The following COL11A1 variants were observed in gnomAD, a reference collection of about 807,000 sequenced individuals.
COL11A1 encodes the protein collagen alpha-1(XI) chain.
COL11A1 carries 74 observed loss-of-function variants against 265.2 expected under a neutral mutation model. The ratio of observed to expected loss-of-function variants is 0.28; its 90% confidence interval spans 0.23 to 0.34. The LOEUF (loss-of-function observed/expected upper bound fraction) is 0.34, where lower values mean the gene tolerates loss of function less well. COL11A1 is among the 10% of genes least tolerant of loss of function. The pLI is 1.00. For synonymous variants in COL11A1, 816 were observed against 727.6 expected (o/e 1.12, Z -1.96); for missense variants, 2,165 against 2,263.6 (o/e 0.96, Z 0.88).
intron 44 of COL11A1, 34 bp from the exon 45 acceptor site, chr1:102,935,147 T>G: frequency 6.3e-7 from 1 of 1,585,684 alleles, no homozygotes; most frequent in Non-Finnish European, 8.6e-7. Flanking sequence ...ATTTTTAAAG[T>G]GAAGCCAGAA....
intron 57 of COL11A1, among the ~76,000 whole-genome samples, chr1:102,892,917 G>A (rs1032628229): frequency 5.9e-5 from 9 of 152,042 alleles, no homozygotes; most frequent in Admixed American, 1.3e-4. Flanking sequence ...CTAATCCTCA[G>A]AGTCAAATTT....
chr1:103,021,452 T>C (rs1366128161), intron 9 of COL11A1, among the ~76,000 whole-genome samples: 1 of 152,172 alleles, frequency 6.6e-6, no homozygotes, highest in Non-Finnish European at 1.5e-5. Context: ...TCTTTAGTTT[T>C]AAAATGAGAG....
Position 102,970,262 on chromosome 1 carries a change from C to T in COL11A1, c.2819G>A (p.Gly940Glu). Residue 940 changes from glycine (G) to glutamate (E), a missense_variant, in exon 37 of 67, where the codon GGG becomes GAG. By Grantham distance (98) the Gly-to-Glu change is moderately conservative. Transcript: ENST00000370096. ...PGPKGPPGPP[G>E]KDGLPGHPGQ... ...AGGGTGTCCTGGCAGCCCATCCTTC[C>T]CAGGTGGTCCCTGAAATTACAAATA... 1.2e-6 allele frequency: 2 copies of T among 1,611,316 alleles called. No individual in the cohort carries two copies. The highest frequency in any genetic ancestry group is 1.1e-5 in the South Asian group (1 of 90,754).
chr1:102,890,309 A>G (rs2100863136), intron 58 of COL11A1, 142 bp downstream of exon 58: 1 of 703,082 alleles, frequency 1.4e-6, no homozygotes, highest in South Asian at 2.0e-5. Flanking sequence ...ACATCTGGGA[A>G]GCTAAGGATT....
At position 102,962,748 on chromosome 1, in the gene COL11A1, C is replaced by T. The variant is rs1400659821; in HGVS notation, c.2929G>A (p.Glu977Lys). The T allele has an allele frequency of 6.2e-7, 1 of 1,613,976 alleles. No homozygotes were observed. The highest frequency in any genetic ancestry group is 8.5e-7 in the Non-Finnish European group (1 of 1,179,952). Residue 977 changes from glutamate to lysine, a missense_variant, in exon 39 of 67, where the codon GAG becomes AAG. Coordinates refer to ENST00000370096, the MANE Select transcript of COL11A1 (RefSeq NM_001854.4). ...CCACGTTCCCCTATTGGACCAGTCT[C>T]ACCGGTTGGTCCCTAAATTAGATAA... ...GVVGPQGPTG[E>K]TGPIGERGHP...
Position 102,998,330 on chromosome 1 carries a change from G to C in COL11A1, c.2176C>G (p.Pro726Ala). The change falls in exon 25 of 67, where the codon CCT becomes GCT. Residue 726 changes from proline (P) to alanine (A), a missense_variant. Physicochemically the swap from Pro to Ala is conservative, Grantham distance 27 (BLOSUM62 -1). Coordinates refer to ENST00000370096, the MANE Select transcript of COL11A1 (RefSeq NM_001854.4). ...CTTACAGGAGGCCCATCAGCACCAG[G>C]AAGTCCAGCAAGTCCTGGTTTTCCT... is the stretch of plus-strand genomic sequence containing the variant. ...PQGKPGLAGL[P>A]GADGPPGHPG... 6.2e-7 allele frequency: 1 copy of C among 1,605,858 alleles called. No homozygotes were observed. The highest frequency in any genetic ancestry group is 1.3e-5 in the African/African-American group (1 of 74,726).
At chr1:103,013,578 C>T (rs1666304985) in intron 13 of COL11A1, among the ~76,000 whole-genome samples, 1 of 151,734 alleles carries the variant, frequency 6.6e-6, no homozygotes, top group Non-Finnish European at 1.5e-5. Flanking sequence ...AAACATGATA[C>T]AATCAAATAA....
intron 58 of COL11A1, among the ~76,000 whole-genome samples, chr1:102,890,089 T>C (rs973880266): frequency 4.6e-5 from 7 of 152,202 alleles, no homozygotes; most frequent in African/African-American, 1.7e-4. Flanking sequence ...AAATTAGTAT[T>C]TGAAAGATAT....
intron 63 of COL11A1, among the ~76,000 whole-genome samples, chr1:102,883,903 G>T (rs2101029514): frequency 6.6e-6 from 1 of 152,200 alleles, no homozygotes; most frequent in Admixed American, 6.5e-5. Context: ...TGCTATTAAT[G>T]CCATTGCTGA....
At chr1:102,933,696 C>T (rs1003438059) in intron 46 of COL11A1, among the ~76,000 whole-genome samples, 1 of 152,160 alleles carries the variant, frequency 6.6e-6, no homozygotes, top group Admixed American at 6.6e-5. Flanking sequence ...AGCCTCGCTG[C>T]CACCTTGCAG....
intron 2 of COL11A1, among the ~76,000 whole-genome samples, chr1:103,080,538 C>T (rs1020725446): frequency 6.6e-6 from 1 of 151,714 alleles, no homozygotes; most frequent in Non-Finnish European, 1.5e-5. Context: ...TTGAAGAAGA[C>T]ATACAAATGG....
At chr1:102,979,149 A>T (rs1200664948) in intron 32 of COL11A1, 45 bp from the exon 33 acceptor site, 2 of 1,561,180 alleles carry the variant, frequency 1.3e-6, no homozygotes, top group South Asian at 1.1e-5. Flanking sequence ...ATCACAGTAA[A>T]TTATGAGCCT....
intron 1 of COL11A1, among the ~76,000 whole-genome samples, chr1:103,107,451 A>C (rs911114034): frequency 2.0e-4 from 31 of 151,988 alleles, no homozygotes; most frequent in Middle Eastern, 3.4e-3. Flanking sequence ...CCTATTCCTA[A>C]TAATCTGCCA....
chr1:102,953,494 C>A (rs186708378), intron 41 of COL11A1, among the ~76,000 whole-genome samples: 88 of 152,098 alleles, frequency 5.8e-4, no homozygotes, highest in African/African-American at 2.1e-3. Context: ...TTCAACAATG[C>A]CTGTCATAAT....
intron 31 of COL11A1, among the ~76,000 whole-genome samples, chr1:102,980,324 C>A (rs1662918835): frequency 6.6e-6 from 1 of 151,942 alleles, no homozygotes; most frequent in East Asian, 1.9e-4. Flanking sequence ...ACAATATAAT[C>A]CCCAATAACC....
At chr1:102,979,677 TAATC>T in intron 31 of COL11A1, 1 of 557,026 alleles carries the variant, frequency 1.8e-6, no homozygotes, top group Non-Finnish European at 3.3e-6. Context: ...GTAAATGAAT[TAATC>T]AAGTATTATT....
At position 102,995,968 on chromosome 1, in the gene COL11A1, G is replaced by T. The variant is rs761011661; in HGVS notation, c.2295+21C>A. 6.8e-6 allele frequency: 11 copies of T among 1,613,216 alleles called. No homozygotes were observed. In the South Asian group the frequency reaches 1.2e-4, roughly 18 times the overall value. ...ACATTTCACTTTGAAAGTAAATAAT[G>T]TGAAAACAATTTAACGTTACCTTTA... On this transcript the variant is annotated intron_variant, in intron 27 of 66. Transcript: ENST00000370096.
At chr1:103,033,801 AT>A (rs1463372966) in intron 4 of COL11A1, among the ~76,000 whole-genome samples, 2 of 151,726 alleles carry the variant, frequency 1.3e-5, no homozygotes, top group Non-Finnish European at 2.9e-5. Context: ...GAATGTCTTA[AT>A]TTTTCTTTGT....
chr1:102,988,624 TAATC>T (rs138894976), intron 29 of COL11A1, among the ~76,000 whole-genome samples: 10,984 of 152,226 alleles, frequency 0.072, 421 homozygotes, highest in Middle Eastern at 0.14. Flanking sequence ...GTGTTTGACT[TAATC>T]AATCTTTTCA....
Sources: gnomAD v4.1 joint callset for allele counts (sites outside exome capture counted in the v4.1 genomes callset) on GRCh38, gnomAD v4.1.1 for gene constraint, MANE v1.5 for transcripts, NCBI Gene and HGNC (gene_info 2026-07-23, HGNC 2026-07-21) for gene names.